The following DMXL2 variants were observed in gnomAD, a reference collection of about 807,000 sequenced individuals.
DMXL2 encodes the protein Dmx like 2.
In DMXL2, 103 loss-of-function variants were observed where a neutral mutation model predicts 331.1. That is an observed-to-expected ratio of 0.31 (90% CI 0.27 to 0.37). The LOEUF is 0.37. Ranked by LOEUF, DMXL2 falls within the 10% of genes least tolerant of loss-of-function variation. The pLI is 1.00. For missense variants in DMXL2, 3,171 were observed against 3,642.9 expected, an observed-to-expected ratio of 0.87 and a Z score of 3.33; for synonymous variants, 1,281 against 1,252.1, an observed-to-expected ratio of 1.02 and a Z score of -0.49.
intron 6 of DMXL2, among the ~76,000 whole-genome samples, chr15:51,557,088 A>C (rs553236511): frequency 6.6e-6 from 1 of 152,180 alleles, no homozygotes; most frequent in Non-Finnish European, 1.5e-5. Flanking sequence ...GGAGAGTTAC[A>C]AAAGATGAAC....
intron 13 of DMXL2, among the ~76,000 whole-genome samples, chr15:51,534,407 A>T (rs1238844604): frequency 6.6e-6 from 1 of 152,196 alleles, no homozygotes; most frequent in Non-Finnish European, 1.5e-5. Context: ...GAAATATTAG[A>T]TTTATTCTAA....
rs1461067234 is a variant in DMXL2, at chr15:51,458,794, A to G, written c.7991T>C (p.Val2664Ala). The G allele has an allele frequency of 6.2e-7, 1 of 1,613,802 alleles. No individual in the cohort carries two copies. Among genetic ancestry groups the G allele is most frequent in the Non-Finnish European group, 8.5e-7 (1 of 1,179,832 alleles). ...ACCTGGATAGCCCAGATCAGCTTCA[A>G]CCTAGAAAACATTCATCAGCAGTTT... is the stretch of plus-strand genomic sequence containing the variant. ...NCIAEDCHIK[V>A]EADLGYPGGK... The change falls in exon 35 of 44, where the codon GTT becomes GCT. Residue 2664 changes from valine (V) to alanine (A), a missense_variant and splice_region_variant. By Grantham distance (64) the Val-to-Ala change is moderately conservative. Coordinates refer to ENST00000560891, the MANE Select transcript of DMXL2 (RefSeq NM_001378457.1).
rs548171560 is a variant in DMXL2, at chr15:51,451,593, G to A, written c.8749+52C>T. 5 of 1,361,832 alleles carry A rather than the reference G, an allele frequency of 3.7e-6. No individual in the cohort carries two copies. The South Asian group carries it at 3.7e-5, about 10-fold the overall frequency. 84.4% of individuals were successfully genotyped at this position (1,361,832 alleles called of 1,614,324 possible). On this transcript the variant is annotated intron_variant, in intron 42 of 43. Coordinates refer to ENST00000560891, the MANE Select transcript of DMXL2 (RefSeq NM_001378457.1). ...TAAAACCAAGAAAGCATTCCTTCAT[G>A]GTGTATTATTCCTTCATGGTATATT...
intron 2 of DMXL2, 124 bp from the exon 3 acceptor site, chr15:51,568,682 T>C: frequency 3.1e-6 from 2 of 653,598 alleles, no homozygotes; most frequent in South Asian, 4.4e-5. Flanking sequence ...TTTATTTCCT[T>C]CCATAAATAT....
At chr15:51,564,989 A>G in intron 4 of DMXL2, 99 bp downstream of exon 4, 1 of 705,496 alleles carries the variant, frequency 1.4e-6, no homozygotes, top group Non-Finnish European at 2.1e-6. Context: ...AATATAATAC[A>G]TTGATCATTT....
intron 13 of DMXL2, among the ~76,000 whole-genome samples, chr15:51,517,718 CAGAA>C (rs1219415950): frequency 2.0e-5 from 3 of 152,214 alleles, no homozygotes; most frequent in African/African-American, 7.2e-5. Flanking sequence ...ACGGTTGCCT[CAGAA>C]AGAAATGCCC....
chr15:51,480,138 T>C lies in DMXL2; in HGVS notation c.6566A>G (p.Glu2189Gly). 2.0e-6 allele frequency: 3 copies of C among 1,524,410 alleles called. No individual in the cohort carries two copies. Among genetic ancestry groups the C allele is most frequent in the Non-Finnish European group, 2.7e-6 (3 of 1,128,016 alleles). The allele number at this position is 1,524,410 out of a possible 1,614,324, so 94.4% of individuals were successfully genotyped here. ...LKFLLQESQQETTVKQLQSPL... is the reference protein window; with the variant it reads ...LKFLLQESQQGTTVKQLQSPL... ...AGACTGGAGCTGCTTTACTGTAGTT[T>C]CCTGTGGGTGATAGTGAATTATTTT... The change falls in exon 25 of 44, where the codon GAA (glutamate) becomes GGA (glycine). Residue 2189 changes from glutamate (E) to glycine (G), a missense_variant and splice_region_variant. By Grantham distance (98) the Glu-to-Gly change is moderately conservative. Transcript: ENST00000560891.
intron 13 of DMXL2, among the ~76,000 whole-genome samples, chr15:51,532,277 C>T (rs1300324833): frequency 1.3e-5 from 2 of 151,824 alleles, no homozygotes; most frequent in East Asian, 3.9e-4. Flanking sequence ...ATAAGCCAGG[C>T]ACAGAAATAC....
In DMXL2 at chr15:51,453,544, A is replaced by G; in HGVS notation, c.8696+6T>C. The G allele has an allele frequency of 6.3e-7, 1 of 1,590,896 alleles. No homozygotes were observed. The highest frequency in any genetic ancestry group is 8.6e-7 in the Non-Finnish European group (1 of 1,169,388). ...TATTTCTTACTTTGCTTTTCTGTCAACCTACCTATTGTCATTGGAGTGTCC... is the reference window on the plus strand; with the variant it reads ...TATTTCTTACTTTGCTTTTCTGTCAGCCTACCTATTGTCATTGGAGTGTCC... On this transcript the variant is annotated splice_donor_region_variant and intron_variant, in intron 41 of 43. Transcript: ENST00000560891.
At chr15:51,511,753 C>T (rs534755280) in intron 15 of DMXL2, among the ~76,000 whole-genome samples, 68 of 152,276 alleles carry the variant, frequency 4.5e-4, no homozygotes, top group Non-Finnish European at 6.5e-4. Flanking sequence ...ATGTTTATCG[C>T]GGCACTGTTC....
chr15:51,573,684 G>A (rs1441386962), intron 2 of DMXL2, among the ~76,000 whole-genome samples: 8 of 151,962 alleles, frequency 5.3e-5, no homozygotes, highest in Non-Finnish European at 1.2e-4. Flanking sequence ...ACACACTGAG[G>A]CCTGTCAGGG....
At chr15:51,527,598 G>A (rs1174974066) in intron 13 of DMXL2, among the ~76,000 whole-genome samples, 1 of 151,874 alleles carries the variant, frequency 6.6e-6, no homozygotes, top group East Asian at 1.9e-4. Flanking sequence ...GCGTGGCAGT[G>A]TGCGAGTGAG....
chr15:51,578,960 T>C (rs1335337005), intron 1 of DMXL2, among the ~76,000 whole-genome samples: 6 of 152,022 alleles, frequency 3.9e-5, no homozygotes, highest in Non-Finnish European at 7.4e-5. Flanking sequence ...CAAAAATTAG[T>C]TGAGCGTGGT....
chr15:51,620,881 CAT>C (rs2054581533), intron 1 of DMXL2, among the ~76,000 whole-genome samples: 1 of 152,196 alleles, frequency 6.6e-6, no homozygotes, highest in Non-Finnish European at 1.5e-5. Context: ...TTCCAGGCTG[CAT>C]CTGAACCCGT....
intron 13 of DMXL2, among the ~76,000 whole-genome samples, chr15:51,524,010 C>T (rs1008643558): frequency 6.6e-6 from 1 of 152,102 alleles, no homozygotes; most frequent in African/African-American, 2.4e-5. Context: ...AACACTCTAC[C>T]CAATAACAAC....
chr15:51,494,531 T>C (rs1388948404), intron 19 of DMXL2, among the ~76,000 whole-genome samples: 1 of 152,198 alleles, frequency 6.6e-6, no homozygotes, highest in Non-Finnish European at 1.5e-5. Flanking sequence ...TAAATCCTTA[T>C]GTCTCAAATC....
At chr15:51,542,267 G>C in intron 9 of DMXL2, 66 bp downstream of exon 9, 2 of 1,457,422 alleles carry the variant, frequency 1.4e-6, no homozygotes, top group Non-Finnish European at 1.9e-6. Flanking sequence ...TATGAAAGTA[G>C]TTCCACTTTT....
At chr15:51,581,764 C>T (rs576041619) in intron 1 of DMXL2, among the ~76,000 whole-genome samples, 5 of 152,210 alleles carry the variant, frequency 3.3e-5, no homozygotes, top group African/African-American at 9.6e-5. Flanking sequence ...CTATAGCATA[C>T]AATAGATTAA....
At chr15:51,581,040 T>A (rs1022202931) in intron 1 of DMXL2, among the ~76,000 whole-genome samples, 1 of 152,174 alleles carries the variant, frequency 6.6e-6, no homozygotes, top group Non-Finnish European at 1.5e-5. Context: ...ATTACCACAA[T>A]AAAGATATTG....
Sources: allele counts gnomAD v4.1 joint callset (sites outside exome capture counted in the v4.1 genomes callset), GRCh38; gene constraint gnomAD v4.1.1; transcripts MANE v1.5; gene names NCBI Gene and HGNC (gene_info 2026-07-23, HGNC 2026-07-21).